PRKCE: variants seen among roughly 807,000 people sequenced by gnomAD.
The protein encoded by PRKCE is protein kinase C epsilon type.
PRKCE carries 16 observed loss-of-function variants against 85.4 expected under a neutral mutation model. The observed-to-expected ratio is 0.19, with a 90% confidence interval of 0.13 to 0.28. PRKCE has a LOEUF of 0.28. Ranked by LOEUF, PRKCE falls within the 10% of genes least tolerant of loss-of-function variation. The pLI, the probability that PRKCE is intolerant of heterozygous loss-of-function variation, is 1.00. For missense variants in PRKCE, 573 were observed against 975.2 expected (o/e 0.59, Z 5.49); for synonymous variants, 388 against 371.5 (o/e 1.04, Z -0.51).
At chr2:45,929,546 G>T (rs1488798070) in intron 2 of PRKCE, among the ~76,000 whole-genome samples, 1 of 152,026 alleles carries the variant, frequency 6.6e-6, no homozygotes, top group African/African-American at 2.4e-5. Context: ...TGTCTAGGTG[G>T]GTGGCTGGGT....
chr2:45,847,431 T>C (rs776884662), intron 2 of PRKCE, among the ~76,000 whole-genome samples: 1 of 152,230 alleles, frequency 6.6e-6, no homozygotes, highest in Non-Finnish European at 1.5e-5. Context: ...ATTTTAGAAA[T>C]CTTAACTCAA....
At chr2:46,070,175 C>T (rs192029277) in intron 10 of PRKCE, among the ~76,000 whole-genome samples, 26 of 152,312 alleles carry the variant, frequency 1.7e-4, no homozygotes, top group Admixed American at 1.7e-3. Context: ...AGGCAAGGGT[C>T]CTTTGGTCAC....
chr2:45,962,351 A>C (rs1361534141), intron 2 of PRKCE, among the ~76,000 whole-genome samples: 1 of 152,210 alleles, frequency 6.6e-6, no homozygotes, highest in Non-Finnish European at 1.5e-5. Flanking sequence ...GACAAAGATA[A>C]CTCACTCATT....
intron 2 of PRKCE, among the ~76,000 whole-genome samples, chr2:45,847,123 A>G (rs1196911928): frequency 2.6e-5 from 4 of 152,218 alleles, no homozygotes; most frequent in Non-Finnish European, 4.4e-5. Flanking sequence ...GCCTTGCCTC[A>G]GTTTTGCCTA....
At chr2:45,798,752 G>A (rs1481046341) in intron 1 of PRKCE, among the ~76,000 whole-genome samples, 1 of 143,222 alleles carries the variant, frequency 7.0e-6, no homozygotes, top group Non-Finnish European at 1.5e-5. Context: ...TATGGGCCAT[G>A]CTCAACAGAA....
intron 6 of PRKCE, among the ~76,000 whole-genome samples, chr2:45,996,802 AATATCTTTGCTTTG>A (rs1704258268): frequency 6.6e-6 from 1 of 152,176 alleles, no homozygotes. Flanking sequence ...TAGATTTTAT[AATATCTTTGCTTTG>A]ATATTATGGT....
intron 14 of PRKCE, among the ~76,000 whole-genome samples, chr2:46,165,304 T>C (rs1678228338): frequency 6.6e-6 from 1 of 152,228 alleles, no homozygotes; most frequent in Non-Finnish European, 1.5e-5. Context: ...ACCCACATAA[T>C]GAACTGAGTT....
chr2:46,116,537 C>G (rs141815844), intron 11 of PRKCE, among the ~76,000 whole-genome samples: 2 of 152,146 alleles, frequency 1.3e-5, no homozygotes, highest in African/African-American at 2.4e-5. Context: ...GCTGGGTTAC[C>G]GTGAGTATGT....
At chr2:45,912,193 C>T (rs2103838589) in intron 2 of PRKCE, among the ~76,000 whole-genome samples, 1 of 152,052 alleles carries the variant, frequency 6.6e-6, no homozygotes, top group African/African-American at 2.4e-5. Context: ...TTTGATAATC[C>T]CTGGAGTCTC....
intron 1 of PRKCE, among the ~76,000 whole-genome samples, chr2:45,669,028 T>C (rs899706898): frequency 6.6e-6 from 1 of 152,186 alleles, no homozygotes; most frequent in African/African-American, 2.4e-5. Flanking sequence ...TTCTTTCACA[T>C]TGTTGGGACT....
rs532087968 is a variant in PRKCE, at chr2:45,675,859, C to T, written c.348+23411C>T. 6.6e-5 allele frequency among the ~76,000 whole-genome samples: 10 copies of T among 152,228 alleles called. No homozygotes were observed. In the South Asian group the frequency reaches 8.3e-4, roughly 13 times the overall value. On this transcript the variant is annotated intron_variant, in intron 1 of 14. Coordinates refer to ENST00000306156, the MANE Select transcript of PRKCE (RefSeq NM_005400.3). ...GAGGTGGCCTTCCACCAGGAAGCCT[C>T]CAGCTGGCAGGATAGGTGGGTGGGG...
chr2:45,921,753 G>A (rs943861711), intron 2 of PRKCE, among the ~76,000 whole-genome samples: 1 of 152,210 alleles, frequency 6.6e-6, no homozygotes. Context: ...CCTTCTGCGA[G>A]ACCTTTGAGG....
intron 10 of PRKCE, chr2:46,078,639 A>C (rs1303788779): frequency 2.0e-5 from 3 of 151,978 alleles, no homozygotes; most frequent in Non-Finnish European, 2.9e-5. Context: ...GGATCTATGC[A>C]CTGTTTCCTA....
chr2:45,918,692 A>C (rs1310466810), intron 2 of PRKCE, among the ~76,000 whole-genome samples: 3 of 152,188 alleles, frequency 2.0e-5, no homozygotes, highest in Non-Finnish European at 1.5e-5. Context: ...CTAAAGGCAC[A>C]TGTAGGAATG....
At chr2:46,057,328 C>G (rs1227940439) in intron 10 of PRKCE, among the ~76,000 whole-genome samples, 1 of 152,224 alleles carries the variant, frequency 6.6e-6, no homozygotes. Flanking sequence ...ATTTGTTCTT[C>G]TTCCCACCTA....
At chr2:46,120,403 G>A (rs1204670321) in intron 11 of PRKCE, among the ~76,000 whole-genome samples, 2 of 152,260 alleles carry the variant, frequency 1.3e-5, no homozygotes, top group South Asian at 2.1e-4. Context: ...CAATGCACAG[G>A]ACGGTCCTCA....
intron 2 of PRKCE, among the ~76,000 whole-genome samples, chr2:45,904,766 ACT>A (rs944936167): frequency 1.3e-5 from 2 of 151,300 alleles, no homozygotes; most frequent in Admixed American, 1.3e-4. Context: ...CTTTCCCAAG[ACT>A]CTTGCTGTCT....
chr2:45,856,899 C>T lies in PRKCE; in HGVS notation c.412+13836C>T, dbSNP rs537954720. 2.6e-5 allele frequency among the ~76,000 whole-genome samples: 4 copies of T among 152,318 alleles called. No individual in the cohort carries two copies. In the East Asian group the frequency reaches 7.7e-4, roughly 29 times the overall value. On this transcript the variant is annotated intron_variant, in intron 2 of 14. Transcript: ENST00000306156. ...GACAGGATTTCATTATGTTTTATGG[C>T]TGAATAATATTCCATTGTGCTGATG...
chr2:45,781,370 C>A (rs59063506), intron 1 of PRKCE, among the ~76,000 whole-genome samples: 8,753 of 152,262 alleles, frequency 0.057, 609 homozygotes, highest in African/African-American at 0.16. Context: ...CTACCTCTGA[C>A]TCCTGCTTAC....
Sources: allele counts gnomAD v4.1 joint callset (sites outside exome capture counted in the v4.1 genomes callset), GRCh38; gene constraint gnomAD v4.1.1; transcripts MANE v1.5; gene names NCBI Gene and HGNC (gene_info 2026-07-23, HGNC 2026-07-21).